Variants in HLA-F observed in about 807,000 individuals in gnomAD.
The protein encoded by HLA-F is major histocompatibility complex, class I, F, also known as HLA class I histocompatibility antigen, alpha chain F.
A neutral mutation model predicts 49.5 loss-of-function variants in HLA-F; 46 were observed. The observed-to-expected ratio is 0.93, with a 90% CI of 0.73 to 1.19. The LOEUF is 1.19. Among genes scored for constraint, HLA-F ranks in the 50% most tolerant of loss-of-function variants. The pLI, the probability that HLA-F is intolerant of heterozygous loss-of-function variation, is 0.00. For synonymous variants in HLA-F, 203 were observed against 233.5 expected (o/e 0.87, Z 1.19); for missense variants, 496 against 579.6 (o/e 0.86, Z 1.48).
chr6:29,736,241 C>G (rs1439422626), intron 3 of HLA-F: 2 of 365,784 alleles, frequency 5.5e-6, no homozygotes, highest in Non-Finnish European at 1.1e-5. Context: ...CTCCACCTTG[C>G]ATGGGCCTTT....
intron 3 of HLA-F, among the ~76,000 whole-genome samples, chr6:29,733,072 T>G (rs1776763671): frequency 6.6e-6 from 1 of 152,042 alleles, no homozygotes; most frequent in Non-Finnish European, 1.5e-5. Context: ...GCGTGTAATC[T>G]CAGCTACTCA....
chr6:29,724,847 T>C (rs2127586799), intron 3 of HLA-F, among the ~76,000 whole-genome samples, 184 bp from the exon 4 acceptor site: 1 of 152,228 alleles, frequency 6.6e-6, no homozygotes, highest in South Asian at 2.1e-4. Context: ...TGCTCCCCCC[T>C]CAGAGACTCT....
At chr6:29,727,404 T>A, downstream of HLA-F, 1 of 458,730 alleles carries the variant, frequency 2.2e-6, no homozygotes, top group Non-Finnish European at 3.8e-6. Flanking sequence ...TTTGGTTATG[T>A]TTCTTTAATT....
downstream of HLA-F, among the ~76,000 whole-genome samples, chr6:29,727,534 CT>C (rs1279167049): frequency 1.3e-5 from 2 of 152,166 alleles, no homozygotes. Flanking sequence ...ATTATTTCCC[CT>C]GATGCCTTTA....
chr6:29,737,603 G>T (rs1383863375), intron 3 of HLA-F, among the ~76,000 whole-genome samples: 1 of 152,148 alleles, frequency 6.6e-6, no homozygotes, highest in Non-Finnish European at 1.5e-5. Flanking sequence ...TGGTTAAAGG[G>T]TGTTTACTTT....
intron 3 of HLA-F, 135 bp downstream of exon 3, chr6:29,724,583 G>A: frequency 1.1e-6 from 1 of 903,760 alleles, no homozygotes. Context: ...AATCTTCCTG[G>A]CTTTCGAGAT....
chr6:29,736,760 A>AT (rs9280689), intron 3 of HLA-F: 144,729 of 176,620 alleles, frequency 0.82, 59,759 homozygotes, highest in East Asian at 0.98. Context: ...TGTGGTCACT[A>AT]TCACTCCCGT....
chr6:29,725,158 C>A lies in HLA-F; in HGVS notation c.738C>A (p.Thr246=), dbSNP rs369751910. 39 of 1,613,818 alleles carry A rather than the reference C, an allele frequency of 2.4e-5. 1 individual carries two copies. Among genetic ancestry groups the A allele is most frequent in the Admixed American group, 1.7e-4 (10 of 59,998 alleles). The change falls in exon 4 of 7, where the codon ACC becomes ACA. Residue 246 remains threonine (T), a synonymous_variant. Transcript: ENST00000259951. ...LTWQRDGEEQ[T]QDTELVETRP... ...GGCAGCGGGATGGGGAGGAACAGAC[C>A]CAGGACACAGAGCTTGTGGAGACCA...
chr6:29,726,233 C>A (rs1776053864), intron 6 of HLA-F, 190 bp downstream of exon 6: 1 of 947,918 alleles, frequency 1.1e-6, no homozygotes, highest in Admixed American at 1.7e-5. Flanking sequence ...AAAGGTGACA[C>A]TCCAGGGCAG....
intron 3 of HLA-F, among the ~76,000 whole-genome samples, chr6:29,737,310 TA>T (rs1160768512): frequency 6.7e-6 from 1 of 148,270 alleles, no homozygotes; most frequent in Non-Finnish European, 1.5e-5. Context: ...AGAGATACAT[TA>T]AACCACACCT....
chr6:29,726,200 C>G (rs752659109), intron 6 of HLA-F, 157 bp downstream of exon 6: 1 of 939,682 alleles, frequency 1.1e-6, no homozygotes, highest in Non-Finnish European at 1.8e-6. Context: ...GCCCAGGGCT[C>G]TGGGGTGTCT....
At chr6:29,726,760 A>G (rs1776136033) in intron 6 of HLA-F, 123 bp from the exon 7 acceptor site, 3 of 1,236,630 alleles carry the variant, frequency 2.4e-6, no homozygotes, top group African/African-American at 2.9e-5. Flanking sequence ...AGACTGAATC[A>G]GAGTGTTGAC....
intron 3 of HLA-F, among the ~76,000 whole-genome samples, chr6:29,734,552 A>G (rs978288209): frequency 3.3e-5 from 5 of 152,174 alleles, no homozygotes; most frequent in African/African-American, 9.7e-5. Flanking sequence ...AGGAGATGAC[A>G]TCCTGAGGGG....
intron 3 of HLA-F, chr6:29,735,829 C>T (rs1777041184): frequency 6.6e-6 from 1 of 152,160 alleles, no homozygotes; most frequent in East Asian, 1.9e-4. Flanking sequence ...CTTTAAAGTT[C>T]TGTTTATTTT....
In HLA-F at chr6:29,724,176, C is replaced by CCT. The variant is rs1397458138; in HGVS notation, c.338_339insCT (p.His114PhefsTer7). 1.1e-5 allele frequency: 18 copies of CCT among 1,612,824 alleles called. No individual in the cohort carries two copies. In the Admixed American group the frequency reaches 3.0e-4, roughly 27 times the overall value. On this transcript the variant is annotated frameshift_variant, in exon 3 of 7. Coordinates refer to ENST00000259951, the MANE Select transcript of HLA-F (RefSeq NM_001098479.2). LOFTEE classifies it high-confidence loss of function. ...GCTGACTGCGGGGACCGGCTAGGGTCTCACACCCTCCAGGGAATGAATGGC... is the reference window on the plus strand; with the variant it reads ...GCTGACTGCGGGGACCGGCTAGGGTCCTTCACACCCTCCAGGGAATGAATGGC...
rs757660751 is a variant in HLA-F at position 29,723,472 on chromosome 6, C to A, written c.9C>A (p.Pro3=). 1 of 1,613,636 alleles carries A rather than the reference C, an allele frequency of 6.2e-7. No homozygotes were observed. The highest frequency in any genetic ancestry group is 8.5e-7 in the Non-Finnish European group (1 of 1,179,992). Residue 3 remains proline, a synonymous_variant, in exon 1 of 7, where the codon CCC becomes CCA. Coordinates refer to ENST00000259951, the MANE Select transcript of HLA-F (RefSeq NM_001098479.2). MA[P]RSLLLLLSGA... is the part of the protein sequence containing the mutation. Reference sequence around the variant, plus strand: ...ACGCGGAGGTTGGGGTCATGGCGCCCCGAAGCCTCCTCCTGCTGCTCTCAG... The same window carrying A: ...ACGCGGAGGTTGGGGTCATGGCGCCACGAAGCCTCCTCCTGCTGCTCTCAG...
chr6:29,728,723 C>T (rs1776328799), downstream of HLA-F: 1 of 152,184 alleles, frequency 6.6e-6, no homozygotes, highest in African/African-American at 2.4e-5. Context: ...AAGCATTAAA[C>T]CCCTCAAATC....
intron 6 of HLA-F, chr6:29,726,382 T>C: frequency 6.2e-7 from 1 of 1,611,244 alleles, no homozygotes; most frequent in South Asian, 1.1e-5. Context: ...ACGAATTTGT[T>C]CATGAATATT....
chr6:29,734,308 G>A (rs1776879735), intron 3 of HLA-F, among the ~76,000 whole-genome samples: 2 of 152,200 alleles, frequency 1.3e-5, no homozygotes, highest in Non-Finnish European at 2.9e-5. Context: ...TCACTGGTAA[G>A]CAGGATCCTT....
Sources: allele counts gnomAD v4.1 joint callset (sites outside exome capture counted in the v4.1 genomes callset), GRCh38; gene constraint gnomAD v4.1.1; transcripts MANE v1.5; gene names NCBI Gene and HGNC (gene_info 2026-07-23, HGNC 2026-07-21).